Variants in LONP2 observed in about 807,000 individuals in gnomAD.
The protein encoded by LONP2 is lon protease homolog 2, peroxisomal.
Under a neutral mutation model 85.6 loss-of-function variants are expected in LONP2, and 60 were observed. The ratio of observed to expected loss-of-function variants is 0.70; its 90% CI spans 0.57 to 0.87. The LOEUF is 0.87. Ranked by LOEUF, LONP2 falls within the 40% of genes least tolerant of loss-of-function variation. The probability of loss-of-function intolerance (pLI) is 0.00; values close to 1 mark genes in which losing one functional copy is unlikely to be tolerated. For missense variants in LONP2, 860 were observed against 1,063.5 expected, an observed-to-expected ratio of 0.81 and a Z score of 2.66; for synonymous variants, 395 against 389.7, an observed-to-expected ratio of 1.01 and a Z score of -0.16.
rs549208458 is a variant in LONP2 at position 48,244,556 on chromosome 16, C to T, written c.168C>T (p.Ile56=). ...LLKGTSLQST[I]LGVIPNTPDP... ...AGGGCACGTCGCTGCAAAGCACCAT[C>T]CTGGGCGTCATCCCCAACACGCCTG... The change falls in exon 1 of 15, where the codon ATC becomes ATT. Residue 56 remains isoleucine, a synonymous_variant. Coordinates refer to ENST00000285737, the MANE Select transcript of LONP2 (RefSeq NM_031490.5). The T allele has an allele frequency of 2.6e-6, 4 of 1,539,596 alleles. No homozygotes were observed. The East Asian group carries it at 7.6e-5, about 29-fold the overall frequency.
In LONP2 at chr16:48,351,811, C is replaced by T. The variant is rs915935561; in HGVS notation, c.*9C>T. ...TAAATAGCAAACTGTAGGTCCAAAT[C>T]TCAATTTTTTAGAATTTTAAGTTAT... On this transcript the variant is annotated 3_prime_UTR_variant, in exon 15 of 15. Coordinates refer to ENST00000285737, the MANE Select transcript of LONP2 (RefSeq NM_031490.5). 31 of 1,609,768 alleles carry T rather than the reference C, an allele frequency of 1.9e-5. No homozygotes were observed. The highest frequency in any genetic ancestry group is 2.6e-5 in the Non-Finnish European group (31 of 1,176,790).
At chr16:48,273,331 G>A (rs1191122867) in intron 7 of LONP2, among the ~76,000 whole-genome samples, 1 of 152,170 alleles carries the variant, frequency 6.6e-6, no homozygotes, top group Non-Finnish European at 1.5e-5. Context: ...TTAAAAACAA[G>A]CAAAGATATG....
chr16:48,256,899 T>C (rs965352765), intron 3 of LONP2, among the ~76,000 whole-genome samples, 158 bp downstream of exon 3: 40 of 148,720 alleles, frequency 2.7e-4, no homozygotes, highest in Admixed American at 1.1e-3. Flanking sequence ...GTGATTGTTT[T>C]ATATTTTTGT....
chr16:48,261,338 C>A, intron 4 of LONP2, 86 bp from the exon 5 acceptor site: 1 of 914,176 alleles, frequency 1.1e-6, no homozygotes, highest in Non-Finnish European at 1.6e-6. Context: ...ATTTATTCAG[C>A]ACCAGTCATA....
chr16:48,356,709 T>C lies in LONP2; in HGVS notation c.*4907T>C, dbSNP rs1054948652. 3.2e-5 allele frequency: 12 copies of C among 378,354 alleles called. No homozygotes were observed. The highest frequency in any genetic ancestry group is 3.6e-4 in the Middle Eastern group (1 of 2,764). The allele number at this position is 378,354 out of a possible 1,614,324, so 23.4% of individuals were successfully genotyped here. A position where few individuals can be genotyped will look rare whatever the true frequency, so the allele number is the denominator to read the frequency against. Reference sequence around the variant, plus strand: ...GGTCTGAATAGACAACAGGCAAATATGGTGAGTGGTCATTGAGATGTTTTA... The same window carrying C: ...GGTCTGAATAGACAACAGGCAAATACGGTGAGTGGTCATTGAGATGTTTTA... On this transcript the variant is annotated 3_prime_UTR_variant, in exon 15 of 15. Transcript: ENST00000285737.
intron 11 of LONP2, among the ~76,000 whole-genome samples, chr16:48,324,547 A>G (rs1392930612): frequency 6.6e-6 from 1 of 152,250 alleles, no homozygotes; most frequent in Non-Finnish European, 1.5e-5. Context: ...CTGATTAAAA[A>G]TATTTGTTTA....
intron 8 of LONP2, among the ~76,000 whole-genome samples, chr16:48,290,484 G>A (rs1284183170): frequency 6.6e-6 from 1 of 152,188 alleles, no homozygotes; most frequent in Non-Finnish European, 1.5e-5. Flanking sequence ...TGCCAGTCGT[G>A]AGTTGACTTC....
At chr16:48,351,462 A>G in intron 14 of LONP2, 119 bp from the exon 15 acceptor site, 1 of 752,106 alleles carries the variant, frequency 1.3e-6, no homozygotes, top group African/African-American at 1.8e-5. Context: ...AACAAAACGG[A>G]AGATGATTTG....
intron 9 of LONP2, 30 bp downstream of exon 9, chr16:48,296,195 T>C (rs765507454): frequency 5.0e-6 from 8 of 1,604,988 alleles, no homozygotes; most frequent in East Asian, 4.5e-5. Flanking sequence ...TTATGATACA[T>C]CTTGCCTTTC....
intron 6 of LONP2, among the ~76,000 whole-genome samples, chr16:48,264,221 A>G (rs1044359596): frequency 6.6e-6 from 1 of 152,060 alleles, no homozygotes; most frequent in Non-Finnish European, 1.5e-5. Flanking sequence ...ATTAGATGGG[A>G]ATTTCCTCTT....
intron 8 of LONP2, among the ~76,000 whole-genome samples, chr16:48,278,868 T>A (rs1972268594): frequency 6.6e-6 from 1 of 152,148 alleles, no homozygotes; most frequent in Non-Finnish European, 1.5e-5. Flanking sequence ...GGAACTCCCA[T>A]GACTTGGATA....
At chr16:48,259,237 T>G (rs2150967921) in intron 4 of LONP2, among the ~76,000 whole-genome samples, 1 of 152,330 alleles carries the variant, frequency 6.6e-6, no homozygotes, top group African/African-American at 2.4e-5. Flanking sequence ...TCACTTTCCT[T>G]TCAGTTTAAT....
rs78544569 is a variant in LONP2 at position 48,293,819 on chromosome 16, A to G, written c.1384-2196A>G. Among the ~76,000 whole-genome samples, 516 of 152,354 alleles carry G rather than the reference A, an allele frequency of 3.4e-3. 1 individual carries two copies. Among genetic ancestry groups the G allele is most frequent in the Non-Finnish European group, 5.2e-3 (352 of 68,030 alleles). On this transcript the variant is annotated intron_variant, in intron 8 of 14. Coordinates refer to ENST00000285737, the MANE Select transcript of LONP2 (RefSeq NM_031490.5). Reference sequence around the variant, plus strand: ...GGCTGACATTGGCCTAGTTGAGCAGAGGACTCAGAGGAGCCTGACTCAAGT... The same window carrying G: ...GGCTGACATTGGCCTAGTTGAGCAGGGGACTCAGAGGAGCCTGACTCAAGT...
chr16:48,279,547 C>G (rs982543450), intron 8 of LONP2, among the ~76,000 whole-genome samples: 7 of 151,974 alleles, frequency 4.6e-5, no homozygotes, highest in Admixed American at 4.6e-4. Context: ...TTCACCTGAG[C>G]TCTTGTTTTC....
At chr16:48,270,368 C>T in intron 7 of LONP2, 94 bp downstream of exon 7, 2 of 1,321,484 alleles carry the variant, frequency 1.5e-6, no homozygotes, top group South Asian at 2.8e-5. Context: ...CATCTATTTT[C>T]CTTAAAGGGC....
At chr16:48,276,351 G>T (rs553232412) in intron 7 of LONP2, among the ~76,000 whole-genome samples, 1 of 152,064 alleles carries the variant, frequency 6.6e-6, no homozygotes, top group South Asian at 2.1e-4. Context: ...TCTGTGAATC[G>T]GCTTTGTGCA....
intron 8 of LONP2, 73 bp from the exon 9 acceptor site, chr16:48,295,942 G>C: frequency 1.4e-6 from 2 of 1,401,508 alleles, no homozygotes; most frequent in Non-Finnish European, 2.0e-6. Flanking sequence ...AGTACATCAT[G>C]TGTGTTTTCA....
chr16:48,347,902 A>C (rs933884208), intron 13 of LONP2, among the ~76,000 whole-genome samples, 188 bp downstream of exon 13: 16 of 152,218 alleles, frequency 1.1e-4, no homozygotes, highest in Non-Finnish European at 2.4e-4. Context: ...ACTAATTCAA[A>C]AGGTTTATTT....
intron 11 of LONP2, among the ~76,000 whole-genome samples, chr16:48,307,248 A>C (rs530680268): frequency 6.6e-6 from 1 of 152,330 alleles, no homozygotes; most frequent in South Asian, 2.1e-4. Flanking sequence ...CTTTAAAAGA[A>C]TGCTGCCTCT....
Sources: allele counts gnomAD v4.1 joint callset (sites outside exome capture counted in the v4.1 genomes callset), GRCh38; gene constraint gnomAD v4.1.1; transcripts MANE v1.5; gene names NCBI Gene and HGNC (gene_info 2026-07-23, HGNC 2026-07-21).